Variants in KCNQ4 observed in about 807,000 individuals in gnomAD.
The protein encoded by KCNQ4 is potassium voltage-gated channel subfamily Q member 4.
Under a neutral mutation model 72.6 loss-of-function variants are expected in KCNQ4, and 31 were observed. That is an observed-to-expected ratio of 0.43 (90% CI 0.32 to 0.58). The LOEUF (loss-of-function observed/expected upper bound fraction) is 0.58, where lower values mean the gene tolerates loss of function less well. KCNQ4 is among the 20% of genes least tolerant of loss of function. The pLI is 0.08. For missense variants in KCNQ4, 869 were observed against 962.6 expected (o/e 0.90, Z 1.29); for synonymous variants, 405 against 403.7 (o/e 1.00, Z -0.04).
At chr1:40,831,957 A>G (rs1403250964) in intron 10 of KCNQ4, among the ~76,000 whole-genome samples, 1 of 152,222 alleles carries the variant, frequency 6.6e-6, no homozygotes, top group Non-Finnish European at 1.5e-5. Flanking sequence ...AAGCAGGTCT[A>G]TTCAGCTCCA....
In KCNQ4 at chr1:40,805,716, G is replaced by C. The variant is rs372527719; in HGVS notation, c.315-11549G>C. ...CAAGTGTCAGGTTGGGTACCGGCTA[G>C]TGAAGAGCAAGTTGGCCTGGTGGGT... On this transcript the variant is annotated intron_variant, in intron 1 of 13. Transcript: ENST00000347132. Among the ~76,000 whole-genome samples the C allele has an allele frequency of 2.8e-4, 42 of 152,324 alleles. 2 individuals are homozygous for C. The East Asian group carries it at 5.4e-3, about 20-fold the overall frequency.
Position 40,819,952 on chromosome 1 carries a change from C to T in KCNQ4, c.912C>T (p.Ala304=). The change falls in exon 6 of 14, where the codon GCC becomes GCT. Residue 304 remains alanine, a synonymous_variant. Transcript: ENST00000347132. ...GCAGGGTCCTGGCTGCTGGCTTCGC[C>T]TTACTGGGCATCTCTTTCTTTGCCC... ...WLGRVLAAGF[A]LLGISFFALP... 6.2e-7 allele frequency: 1 copy of T among 1,614,224 alleles called. No homozygotes were observed. Among genetic ancestry groups the T allele is most frequent in the Non-Finnish European group, 8.5e-7 (1 of 1,180,012 alleles).
intron 7 of KCNQ4, among the ~76,000 whole-genome samples, chr1:40,821,711 A>G (rs1057433429): frequency 1.3e-5 from 2 of 152,228 alleles, no homozygotes; most frequent in Admixed American, 6.5e-5. Flanking sequence ...TGTGCCAGAC[A>G]CTATATTTGC....
At chr1:40,796,639 G>A (rs541283984) in intron 1 of KCNQ4, among the ~76,000 whole-genome samples, 2 of 152,116 alleles carry the variant, frequency 1.3e-5, no homozygotes, top group Non-Finnish European at 2.9e-5. Flanking sequence ...GTCCTGGGCC[G>A]GGCGCTGTGG....
Position 40,819,451 on chromosome 1 carries a change from C to G in KCNQ4, c.813C>G (p.Ala271=), listed in dbSNP as rs775122297. The G allele has an allele frequency of 2.5e-6, 4 of 1,613,758 alleles. No individual in the cohort carries two copies. The highest frequency in any genetic ancestry group is 3.4e-6 in the Non-Finnish European group (4 of 1,179,902). Reference sequence around the variant, plus strand: ...CCAACTCCGACTTCTCCTCCTACGCCGACTCGCTCTGGTGGGGGACGGTGC... The same window carrying G: ...CCAACTCCGACTTCTCCTCCTACGCGGACTCGCTCTGGTGGGGGACGGTGC... ...KDANSDFSSY[A]DSLWWGTITL... The change falls in exon 5 of 14, where the codon GCC becomes GCG. Residue 271 remains alanine (A), a synonymous_variant. Coordinates refer to ENST00000347132, the MANE Select transcript of KCNQ4 (RefSeq NM_004700.4).
intron 7 of KCNQ4, 22 bp downstream of exon 7, chr1:40,820,282 G>T (rs1648249278): frequency 6.4e-7 from 1 of 1,574,514 alleles, no homozygotes; most frequent in African/African-American, 1.4e-5. Context: ...CCGGGAAGAA[G>T]CCCTAGGAGC....
At chr1:40,786,334 GC>G (rs1160932231) in intron 1 of KCNQ4, among the ~76,000 whole-genome samples, 1 of 152,230 alleles carries the variant, frequency 6.6e-6, no homozygotes, top group Non-Finnish European at 1.5e-5. Flanking sequence ...TGAAGGACCT[GC>G]CTCCTGTCCC....
rs1647184711 is a variant in KCNQ4 at position 40,784,505 on chromosome 1, C to T, written c.314+98C>T. On this transcript the variant is annotated intron_variant, in intron 1 of 13. Coordinates refer to ENST00000347132, the MANE Select transcript of KCNQ4 (RefSeq NM_004700.4). This position sits in a 1 kb window ranked among gnomAD's most constrained non-coding sequence, Gnocchi z 4.1. The stretch of plus-strand genomic sequence containing the variant: ...CCTGGCTCCGCCTTCTACCCCCCTG[C>T]CTCAGGGCCGACCCTCATCTCTCTC... The T allele has an allele frequency of 8.5e-7, 1 of 1,180,140 alleles. No individual in the cohort carries two copies. Among genetic ancestry groups the T allele is most frequent in the African/African-American group, 1.5e-5 (1 of 66,410 alleles). 73.1% of individuals were successfully genotyped at this position (1,180,140 alleles called of 1,614,324 possible). A position where few individuals can be genotyped will look rare whatever the true frequency, so the allele number is the denominator to read the frequency against.
rs535075578 is a variant in KCNQ4, at chr1:40,817,201, A to C, written c.315-64A>C. ...TCTCTTGGCTCTGTAACCCCCTGCC[A>C]GGGGCACCTTGGCTGTCCTGTCCCT... On this transcript the variant is annotated intron_variant, in intron 1 of 13. Coordinates refer to ENST00000347132, the MANE Select transcript of KCNQ4 (RefSeq NM_004700.4). This position sits in a 1 kb window ranked among gnomAD's most constrained non-coding sequence, Gnocchi z 5.5. The C allele has an allele frequency of 7.7e-4, 1,030 of 1,344,838 alleles. 16 individuals carry two copies. In the South Asian group the frequency reaches 0.012, roughly 15 times the overall value. The allele number at this position is 1,344,838 out of a possible 1,614,324, so 83.3% of individuals were successfully genotyped here. A position where few individuals can be genotyped will look rare whatever the true frequency, so the allele number is the denominator to read the frequency against.
chr1:40,832,635 T>C (rs1254732132), intron 10 of KCNQ4, among the ~76,000 whole-genome samples: 1 of 152,238 alleles, frequency 6.6e-6, no homozygotes, highest in African/African-American at 2.4e-5. Flanking sequence ...ACTGTGTGCA[T>C]GATTACATGC....
chr1:40,815,171 C>T (rs1239191036), intron 1 of KCNQ4, among the ~76,000 whole-genome samples: 6 of 143,162 alleles, frequency 4.2e-5, no homozygotes, highest in Admixed American at 2.9e-4. Flanking sequence ...ACCCGGGAGG[C>T]GGAGGTTGCA....
chr1:40,785,498 C>G (rs919939298), intron 1 of KCNQ4, among the ~76,000 whole-genome samples: 3 of 152,222 alleles, frequency 2.0e-5, no homozygotes, highest in Non-Finnish European at 4.4e-5. Flanking sequence ...GACTGTCTAG[C>G]AGCCCTCCTG....
intron 9 of KCNQ4, among the ~76,000 whole-genome samples, chr1:40,825,525 C>T (rs1344809288): frequency 2.0e-5 from 3 of 151,956 alleles, no homozygotes; most frequent in Non-Finnish European, 4.4e-5. Flanking sequence ...AGTGAGGGCA[C>T]TTCTGGGCCA....
intron 1 of KCNQ4, among the ~76,000 whole-genome samples, chr1:40,803,397 G>A (rs1273096025): frequency 1.3e-5 from 2 of 152,120 alleles, no homozygotes. Flanking sequence ...AGAACCCACC[G>A]ACCCAGCTTT....
At chr1:40,809,741 C>T (rs1186651979) in intron 1 of KCNQ4, among the ~76,000 whole-genome samples, 3 of 152,176 alleles carry the variant, frequency 2.0e-5, no homozygotes, top group African/African-American at 7.2e-5. Flanking sequence ...TCCTGAGATG[C>T]AAATTGGACT....
intron 1 of KCNQ4, among the ~76,000 whole-genome samples, chr1:40,808,340 A>G (rs1570816534): frequency 6.6e-6 from 1 of 152,162 alleles, no homozygotes; most frequent in East Asian, 1.9e-4. Flanking sequence ...AAAAACAAAC[A>G]GCAACAAAAA....
chr1:40,801,059 G>A lies in KCNQ4; in HGVS notation c.315-16206G>A, dbSNP rs144095944. Among the ~76,000 whole-genome samples, 33 of 152,248 alleles carry A rather than the reference G, an allele frequency of 2.2e-4. 1 individual carries two copies. The East Asian group carries it at 6.4e-3, about 29-fold the overall frequency. ...TTTTCTATTTTAACAGTAAGAAGCT[G>A]TTGTAGGATTGTAAATGGGGTAGGG... On this transcript the variant is annotated intron_variant, in intron 1 of 13. Coordinates refer to ENST00000347132, the MANE Select transcript of KCNQ4 (RefSeq NM_004700.4).
In KCNQ4 at chr1:40,819,477, G is replaced by A; in HGVS notation, c.834+5G>A. On this transcript the variant is annotated splice_donor_5th_base_variant and intron_variant, in intron 5 of 13. Transcript: ENST00000347132. ...GACTCGCTCTGGTGGGGGACGGTGC[G>A]TGAGGGTCTTTGTAGGGCTGCCCTT... is the stretch of plus-strand genomic sequence containing the variant. The A allele has an allele frequency of 1.2e-6, 2 of 1,613,776 alleles. No individual in the cohort carries two copies. The highest frequency in any genetic ancestry group is 2.2e-5 in the East Asian group (1 of 44,858).
intron 9 of KCNQ4, among the ~76,000 whole-genome samples, chr1:40,829,149 C>T (rs1646715683): frequency 6.6e-6 from 1 of 152,222 alleles, no homozygotes; most frequent in South Asian, 2.1e-4. Flanking sequence ...GAGTTCCAGG[C>T]CCTTGGCCAA....
Sources: allele counts gnomAD v4.1 joint callset (sites outside exome capture counted in the v4.1 genomes callset), GRCh38; gene constraint gnomAD v4.1.1; non-coding constraint Gnocchi (gnomAD v3.1); transcripts MANE v1.5; gene names NCBI Gene and HGNC (gene_info 2026-07-23, HGNC 2026-07-21).